IRAK1BP1: variants seen among roughly 807,000 people sequenced by gnomAD.
The protein encoded by IRAK1BP1 is interleukin-1 receptor-associated kinase 1-binding protein 1.
In IRAK1BP1, 24 loss-of-function variants were observed where a neutral mutation model predicts 28.0. The observed-to-expected ratio is 0.86, with a 90% CI of 0.62 to 1.20. The LOEUF is 1.20. Ranked by LOEUF, IRAK1BP1 falls within the 50% of genes most tolerant of loss-of-function variation. The pLI, the probability that IRAK1BP1 is intolerant of heterozygous loss-of-function variation, is 0.00. For synonymous variants in IRAK1BP1, 131 were observed against 116.3 expected, an observed-to-expected ratio of 1.13 and a Z score of -0.81; for missense variants, 336 against 316.7, an observed-to-expected ratio of 1.06 and a Z score of -0.46.
At chr6:78,972,555 A>G in the IRAK1BP1 span, among the ~76,000 whole-genome samples, 1 of 152,236 alleles carries the variant, frequency 6.6e-6, no homozygotes, top group Admixed American at 6.5e-5. Context: ...TGAGAGAAGA[A>G]GGCTTCAGAC....
intron 4 of IRAK1BP1, among the ~76,000 whole-genome samples, chr6:78,921,140 G>C (rs1772713098): frequency 6.6e-6 from 1 of 152,206 alleles, no homozygotes. Context: ...GCCTCACCCA[G>C]GAAGTGCAAG....
chr6:78,960,574 T>C, the IRAK1BP1 span, among the ~76,000 whole-genome samples: 1 of 152,088 alleles, frequency 6.6e-6, no homozygotes, highest in South Asian at 2.1e-4. Flanking sequence ...CTCTACGCTT[T>C]TTGACAAATA....
chr6:78,946,991 T>C (rs1357885138), downstream of IRAK1BP1: 1 of 565,348 alleles, frequency 1.8e-6, no homozygotes, highest in Non-Finnish European at 3.0e-6. Context: ...AATTATTGTT[T>C]TTTACATCCC....
chr6:78,885,950 T>C (rs530511635), intron 2 of IRAK1BP1, among the ~76,000 whole-genome samples: 5 of 152,346 alleles, frequency 3.3e-5, no homozygotes, highest in Non-Finnish European at 5.9e-5. Flanking sequence ...CCTATGCTTT[T>C]TACTTATATT....
At chr6:78,979,201 T>A in the IRAK1BP1 span, among the ~76,000 whole-genome samples, 1 of 152,070 alleles carries the variant, frequency 6.6e-6, no homozygotes, top group African/African-American at 2.4e-5. Context: ...ACACTTATTC[T>A]AGAAAAAATG....
At chr6:78,972,438 C>T in the IRAK1BP1 span, among the ~76,000 whole-genome samples, 1 of 152,128 alleles carries the variant, frequency 6.6e-6, no homozygotes, top group Non-Finnish European at 1.5e-5. Flanking sequence ...AAAAACAGAA[C>T]AGAAAAACTG....
chr6:78,884,224 T>C (rs1487878158), intron 1 of IRAK1BP1, among the ~76,000 whole-genome samples: 1 of 152,182 alleles, frequency 6.6e-6, no homozygotes, highest in African/African-American at 2.4e-5. Flanking sequence ...ATAAACTGCT[T>C]GTAATTAGTT....
the IRAK1BP1 span, among the ~76,000 whole-genome samples, chr6:78,959,700 G>GTT: frequency 6.6e-6 from 1 of 152,140 alleles, no homozygotes; most frequent in Admixed American, 6.6e-5. Context: ...TCTAATTCAT[G>GTT]TAAGTATTGT....
chr6:78,931,155 C>G (rs1773036453), intron 4 of IRAK1BP1, among the ~76,000 whole-genome samples: 1 of 151,976 alleles, frequency 6.6e-6, no homozygotes, highest in Non-Finnish European at 1.5e-5. Context: ...AATCTTAGCA[C>G]ATTGGAAGGC....
intron 4 of IRAK1BP1, chr6:78,939,433 G>A (rs1014392177): frequency 3.3e-5 from 5 of 151,496 alleles, no homozygotes; most frequent in African/African-American, 1.2e-4. Context: ...AAAGTGATTT[G>A]GCCTATTTTA....
the IRAK1BP1 span, chr6:78,955,739 T>TA: frequency 1.6e-6 from 1 of 641,250 alleles, no homozygotes; most frequent in East Asian, 2.8e-5. Flanking sequence ...TTTTTTTCCT[T>TA]AAAAATTTGT....
intron 1 of IRAK1BP1, chr6:78,871,428 T>A (rs1581986816): frequency 2.0e-6 from 2 of 985,352 alleles, no homozygotes; most frequent in East Asian, 1.1e-4. Flanking sequence ...GACAGACACC[T>A]TTTCTCCTTT....
intron 1 of IRAK1BP1, among the ~76,000 whole-genome samples, chr6:78,880,678 A>G (rs1243577681): frequency 1.3e-5 from 2 of 152,246 alleles, no homozygotes; most frequent in African/African-American, 2.4e-5. Context: ...ATAGACCTCA[A>G]TTCAGCAGTA....
the IRAK1BP1 span, among the ~76,000 whole-genome samples, chr6:78,963,823 G>A: frequency 6.6e-6 from 1 of 152,134 alleles, no homozygotes; most frequent in Non-Finnish European, 1.5e-5. Flanking sequence ...AAACGTGCTA[G>A]GTAATTTTTC....
the IRAK1BP1 span, among the ~76,000 whole-genome samples, chr6:78,974,445 C>T: frequency 5.9e-3 from 886 of 151,232 alleles, 4 homozygotes; most frequent in African/African-American, 0.02. Context: ...AAATTGACAC[C>T]CTAACATCAC....
intron 4 of IRAK1BP1, among the ~76,000 whole-genome samples, chr6:78,931,621 T>C (rs1218245673): frequency 1.3e-5 from 2 of 152,210 alleles, no homozygotes; most frequent in Non-Finnish European, 2.9e-5. Context: ...GTTTGTACCA[T>C]ACTGTTAGTC....
At chr6:78,946,019 C>T (rs140115259) in exon 5 of IRAK1BP1, 2 of 1,607,334 alleles carry the variant, frequency 1.2e-6, no homozygotes, top group Non-Finnish European at 1.7e-6. Context: ...CCTGGTATTG[C>T]AGATGCATTA....
chr6:78,964,845 A>C, the IRAK1BP1 span, among the ~76,000 whole-genome samples: 1 of 152,226 alleles, frequency 6.6e-6, no homozygotes, highest in Admixed American at 6.5e-5. Context: ...AAAAGAATTT[A>C]TGAAGTCTTT....
At chr6:78,942,107 T>C (rs1332766116) in intron 4 of IRAK1BP1, among the ~76,000 whole-genome samples, 1 of 152,188 alleles carries the variant, frequency 6.6e-6, no homozygotes, top group Admixed American at 6.5e-5. Context: ...AGGAAATTCA[T>C]AGATGGAAAC....
Sources: gnomAD v4.1 joint callset for allele counts (sites outside exome capture counted in the v4.1 genomes callset) on GRCh38, gnomAD v4.1.1 for gene constraint, MANE v1.5 for transcripts, NCBI Gene and HGNC (gene_info 2026-07-23, HGNC 2026-07-21) for gene names.